STPG2: variants seen among roughly 807,000 people sequenced by gnomAD.
STPG2 encodes sperm tail PG-rich repeat containing 2.
STPG2 carries 56 observed loss-of-function variants against 54.2 expected under a neutral mutation model. That is an observed-to-expected ratio of 1.03 (90% CI 0.83 to 1.29). The LOEUF (loss-of-function observed/expected upper bound fraction) is 1.29. Ranked by LOEUF, STPG2 falls within the 50% of genes most tolerant of loss-of-function variation. STPG2 has a pLI of 0.00. For missense variants in STPG2, 596 were observed against 544.9 expected, an observed-to-expected ratio of 1.09 and a Z score of -0.93; for synonymous variants, 200 against 181.8, an observed-to-expected ratio of 1.10 and a Z score of -0.81.
rs562273064 is a variant in STPG2 at position 98,131,484 on chromosome 4, C to G, written c.222+2863G>C. 1.2e-4 allele frequency among the ~76,000 whole-genome samples: 19 copies of G among 152,188 alleles called. 1 individual carries two copies. In the South Asian group the frequency reaches 3.7e-3, roughly 30 times the overall value. On this transcript the variant is annotated intron_variant, in intron 2 of 10. Coordinates refer to ENST00000295268, the MANE Select transcript of STPG2 (RefSeq NM_174952.3). The stretch of plus-strand genomic sequence containing the variant: ...ACGAAATATCTGCAATTTAAATATA[C>G]TTACAAAATTTAACCTCATTGTCAT...
At chr4:97,459,668 C>G (rs926596440) in intron 4 of STPG2, among the ~76,000 whole-genome samples, 5 of 152,048 alleles carry the variant, frequency 3.3e-5, no homozygotes, top group Non-Finnish European at 7.4e-5. Flanking sequence ...GTCTCGATCT[C>G]CTGACCTCGT....
rs147983978 is a variant in STPG2, at chr4:97,845,712, C to T, written c.1045-4780G>A. Among the ~76,000 whole-genome samples the T allele has an allele frequency of 2.6e-3, 397 of 152,180 alleles. 3 individuals are homozygous for T. The highest frequency in any genetic ancestry group is 8.9e-3 in the African/African-American group (371 of 41,534). On this transcript the variant is annotated intron_variant, in intron 8 of 10. Coordinates refer to ENST00000295268, the MANE Select transcript of STPG2 (RefSeq NM_174952.3). The stretch of plus-strand genomic sequence containing the variant: ...AACAGTACATTTTGATAAACCTCTG[C>T]ATTAAATTTCAGAAATAGTAAAATT...
chr4:97,855,290 G>A (rs1201133205), intron 8 of STPG2, among the ~76,000 whole-genome samples: 2 of 152,142 alleles, frequency 1.3e-5, no homozygotes, highest in African/African-American at 2.4e-5. Flanking sequence ...TGAGATTGCT[G>A]AGTCAAATGG....
intron 8 of STPG2, among the ~76,000 whole-genome samples, chr4:97,919,616 G>A (rs932459048): frequency 1.3e-5 from 2 of 151,780 alleles, no homozygotes; most frequent in South Asian, 4.1e-4. Flanking sequence ...AATAAAAGTA[G>A]ACAAAAGAAG....
intron 8 of STPG2, among the ~76,000 whole-genome samples, chr4:97,855,821 C>T (rs1412972848): frequency 1.3e-5 from 2 of 152,108 alleles, no homozygotes; most frequent in Admixed American, 1.3e-4. Context: ...AGTCTTTAAT[C>T]CATCTTCCAT....
intron 4 of STPG2, among the ~76,000 whole-genome samples, chr4:97,507,355 A>C (rs372298702): frequency 3.9e-5 from 6 of 152,246 alleles, no homozygotes; most frequent in Non-Finnish European, 8.8e-5. Flanking sequence ...TAAATTGTAT[A>C]TATCTAACAT....
chr4:97,923,655 G>A (rs1378500734), intron 8 of STPG2, among the ~76,000 whole-genome samples: 3 of 152,032 alleles, frequency 2.0e-5, no homozygotes, highest in Non-Finnish European at 2.9e-5. Context: ...CTAATCTGTT[G>A]GGTACTTGGA....
At chr4:97,861,021 T>C (rs1366394646) in intron 8 of STPG2, among the ~76,000 whole-genome samples, 1 of 152,078 alleles carries the variant, frequency 6.6e-6, no homozygotes, top group African/African-American at 2.4e-5. Context: ...AAAAAGCTTC[T>C]CCACAGCAAA....
chr4:97,678,650 G>C (rs558676751), intron 10 of STPG2, among the ~76,000 whole-genome samples: 92 of 150,584 alleles, frequency 6.1e-4, no homozygotes, highest in South Asian at 1.3e-3. Flanking sequence ...TATACTTTAA[G>C]TTTTAGGGTA....
intron 10 of STPG2, among the ~76,000 whole-genome samples, chr4:97,637,390 T>G (rs1721593857): frequency 6.6e-6 from 1 of 152,186 alleles, no homozygotes; most frequent in Non-Finnish European, 1.5e-5. Context: ...AATATCATAC[T>G]GAATGGGCAA....
chr4:98,082,811 T>C (rs1475628200), intron 5 of STPG2, among the ~76,000 whole-genome samples: 5 of 152,068 alleles, frequency 3.3e-5, no homozygotes, highest in Admixed American at 3.3e-4. Flanking sequence ...GCCACTCTCT[T>C]GATAAACTCT....
intron 4 of STPG2, among the ~76,000 whole-genome samples, chr4:97,528,272 C>T (rs1437633734): frequency 1.3e-5 from 2 of 152,052 alleles, no homozygotes; most frequent in Non-Finnish European, 2.9e-5. Context: ...TTCCCCATTG[C>T]TTGTTTTTGT....
chr4:97,852,832 T>C (rs1169241027), intron 8 of STPG2, among the ~76,000 whole-genome samples: 1 of 152,070 alleles, frequency 6.6e-6, no homozygotes, highest in Non-Finnish European at 1.5e-5. Context: ...ATATTTACCA[T>C]ACTCCCAAGG....
intron 1 of STPG2, among the ~76,000 whole-genome samples, chr4:98,136,858 G>T (rs1740148649): frequency 6.6e-6 from 1 of 151,342 alleles, no homozygotes; most frequent in African/African-American, 2.4e-5. Flanking sequence ...AACAAGAGAG[G>T]TATAGCAAAT....
chr4:97,619,488 G>T (rs1248806095), intron 10 of STPG2, among the ~76,000 whole-genome samples: 2 of 150,652 alleles, frequency 1.3e-5, no homozygotes, highest in Non-Finnish European at 2.9e-5. Context: ...TGATTTGAGG[G>T]CTGATAGGAA....
intron 10 of STPG2, among the ~76,000 whole-genome samples, chr4:97,564,137 T>G (rs1732348719): frequency 6.6e-6 from 1 of 152,224 alleles, no homozygotes; most frequent in Admixed American, 6.5e-5. Context: ...TGCATATATA[T>G]TTAGGATAGT....
intron 5 of STPG2, among the ~76,000 whole-genome samples, chr4:98,009,206 G>T (rs907130195): frequency 2.6e-4 from 40 of 151,382 alleles, no homozygotes; most frequent in Non-Finnish European, 1.5e-4. Context: ...CTTTTTTGAT[G>T]TAGGCGTTTA....
chr4:97,849,468 T>A (rs1399395782), intron 8 of STPG2, among the ~76,000 whole-genome samples: 1 of 151,822 alleles, frequency 6.6e-6, no homozygotes, highest in Admixed American at 6.6e-5. Flanking sequence ...GAAACTACCA[T>A]CAGAGTGAAC....
chr4:97,582,020 T>C (rs1424770018), intron 10 of STPG2, among the ~76,000 whole-genome samples: 1 of 152,058 alleles, frequency 6.6e-6, no homozygotes, highest in Admixed American at 6.6e-5. Flanking sequence ...TATTATTTTA[T>C]AACTATTTTA....
Sources: gnomAD v4.1 joint callset for allele counts (sites outside exome capture counted in the v4.1 genomes callset) on GRCh38, gnomAD v4.1.1 for gene constraint, MANE v1.5 for transcripts, NCBI Gene and HGNC (gene_info 2026-07-23, HGNC 2026-07-21) for gene names.